Variants in SERPINB7 observed in about 807,000 individuals in gnomAD.
SERPINB7 encodes the protein serpin family B member 7, also known as serpin B7.
Under a neutral mutation model 37.4 loss-of-function variants are expected in SERPINB7, and 31 were observed. That is an observed-to-expected ratio of 0.83 (90% CI 0.62 to 1.12). The LOEUF is 1.12. Among genes scored for constraint, SERPINB7 ranks in the 50% most tolerant of loss-of-function variants. SERPINB7 has a pLI of 0.00. For missense variants in SERPINB7, 521 were observed against 455.3 expected (o/e 1.14, Z -1.31); for synonymous variants, 163 against 166.1 (o/e 0.98, Z 0.14).
intron 4 of SERPINB7, among the ~76,000 whole-genome samples, chr18:63,794,805 T>G (rs564519708): frequency 6.6e-6 from 1 of 152,318 alleles, no homozygotes; most frequent in East Asian, 1.9e-4. Flanking sequence ...TGAAAAGAGC[T>G]GTATCCAAGG....
chr18:63,768,916 A>G (rs1174438952), intron 1 of SERPINB7, among the ~76,000 whole-genome samples: 1 of 152,148 alleles, frequency 6.6e-6, no homozygotes, highest in Non-Finnish European at 1.5e-5. Flanking sequence ...GAATGTATCA[A>G]TAATTTGCTC....
In SERPINB7 at chr18:63,801,730, G is replaced by T. The variant is rs185285911; in HGVS notation, c.744+718G>T. ...GGACTCTGTGGGGGCCAGAGGACCG[G>T]TTTAGTCATGAGTCATGAGTCCAAG... On this transcript the variant is annotated intron_variant, in intron 7 of 7. Coordinates refer to ENST00000398019, the MANE Select transcript of SERPINB7 (RefSeq NM_003784.4). Among the ~76,000 whole-genome samples, 41 of 152,182 alleles carry T rather than the reference G, an allele frequency of 2.7e-4. No homozygotes were observed. In the East Asian group the frequency reaches 6.2e-3, roughly 23 times the overall value.
intron 3 of SERPINB7, 145 bp from the exon 4 acceptor site, chr18:63,793,016 A>T (rs953237705): frequency 2.6e-5 from 11 of 428,616 alleles, no homozygotes; most frequent in Admixed American, 2.4e-4. Flanking sequence ...TAAGACATAG[A>T]TGTATGTGGC....
At chr18:63,798,549 C>T in intron 5 of SERPINB7, 55 bp from the exon 6 acceptor site, 1 of 1,377,304 alleles carries the variant, frequency 7.3e-7, no homozygotes, top group Non-Finnish European at 9.8e-7. Flanking sequence ...CTTTTTAAAT[C>T]ATTTTTAAAA....
intron 2 of SERPINB7, among the ~76,000 whole-genome samples, chr18:63,785,241 C>A (rs1003363220): frequency 6.6e-6 from 1 of 152,194 alleles, no homozygotes; most frequent in Non-Finnish European, 1.5e-5. Flanking sequence ...TTACTACACT[C>A]GACCCTTGTC....
At chr18:63,796,070 C>G (rs1340906739) in intron 4 of SERPINB7, among the ~76,000 whole-genome samples, 196 bp from the exon 5 acceptor site, 1 of 152,152 alleles carries the variant, frequency 6.6e-6, no homozygotes, top group Non-Finnish European at 1.5e-5. Context: ...AGAGTATTTG[C>G]TGAACAAATT....
rs946615159 is a variant in SERPINB7 at position 63,798,818 on chromosome 18, A to G, written c.597+72A>G. 25 of 1,458,576 alleles carry G rather than the reference A, an allele frequency of 1.7e-5. No homozygotes were observed. In the African/African-American group the frequency reaches 3.3e-4, roughly 19 times the overall value. 90.4% of individuals were successfully genotyped at this position (1,458,576 alleles called of 1,614,324 possible). On this transcript the variant is annotated intron_variant, in intron 6 of 7. Transcript: ENST00000398019. ...ATTCCTTTGCAGGACTGTGATAGTTACATAGTAAACTCTAGGTTCACCGTT... is the reference window on the plus strand; with the variant it reads ...ATTCCTTTGCAGGACTGTGATAGTTGCATAGTAAACTCTAGGTTCACCGTT...
chr18:63,785,953 T>G (rs2939518), intron 2 of SERPINB7, among the ~76,000 whole-genome samples: 39,091 of 82,920 alleles, frequency 0.47, 10,606 homozygotes, highest in African/African-American at 0.6. Context: ...TATAATATAC[T>G]TATATATACA....
Position 63,800,996 on chromosome 18 carries a change from A to T in SERPINB7, c.728A>T (p.Glu243Val). The T allele has an allele frequency of 6.2e-7, 1 of 1,613,638 alleles. No homozygotes were observed. The highest frequency in any genetic ancestry group is 8.5e-7 in the Non-Finnish European group (1 of 1,179,766). The change falls in exon 7 of 8, where the codon GAG (glutamate) becomes GTG (valine). Residue 243 changes from glutamate to valine, a missense_variant. Glu to Val is a moderately radical substitution (Grantham distance 121). Transcript: ENST00000398019. Reference protein sequence around the residue: ...GGINMYVLLPENDLSEIENKL... With the variant: ...GGINMYVLLPVNDLSEIENKL... The stretch of plus-strand genomic sequence containing the variant: ...ATAAACATGTACGTTCTGCTGCCTG[A>T]GAATGACCTCTCTGAAGTAAGTTAC...
intron 1 of SERPINB7, among the ~76,000 whole-genome samples, chr18:63,770,302 A>AAAC (rs551591800): frequency 7.3e-5 from 11 of 151,628 alleles, no homozygotes; most frequent in East Asian, 1.9e-4. Context: ...ATGTAAAGGA[A>AAAC]AACAACAACA....
chr18:63,801,319 A>G (rs138261341), intron 7 of SERPINB7, among the ~76,000 whole-genome samples: 39 of 152,270 alleles, frequency 2.6e-4, no homozygotes, highest in Admixed American at 5.2e-4. Flanking sequence ...TTGGCCATGA[A>G]TACAGTCTTC....
intron 1 of SERPINB7, among the ~76,000 whole-genome samples, chr18:63,759,801 G>T (rs549312964): frequency 6.6e-6 from 1 of 152,260 alleles, no homozygotes; most frequent in Non-Finnish European, 1.5e-5. Flanking sequence ...TTCCGCTCTT[G>T]CTTCTTCCTC....
intron 1 of SERPINB7, among the ~76,000 whole-genome samples, chr18:63,755,353 A>C (rs1568197535): frequency 6.6e-6 from 1 of 151,798 alleles, no homozygotes; most frequent in Non-Finnish European, 1.5e-5. Flanking sequence ...GTTTTTCTTT[A>C]TGAGAAGTCA....
chr18:63,798,604 G>A lies in SERPINB7; in HGVS notation c.455G>A (p.Gly152Asp). ...TTTCCCTCAATTTTTTTTTCAAAAG[G>A]CAAAATCAAGAACGTGATTGGTGAA... ...INKWVENETHGKIKNVIGEGG... is the reference protein window; with the variant it reads ...INKWVENETHDKIKNVIGEGG... Residue 152 changes from glycine to aspartate, a missense_variant and splice_region_variant, in exon 6 of 8, where the codon GGC becomes GAC. Coordinates refer to ENST00000398019, the MANE Select transcript of SERPINB7 (RefSeq NM_003784.4). The A allele has an allele frequency of 1.3e-6, 2 of 1,523,602 alleles. No individual in the cohort carries two copies. Among genetic ancestry groups the A allele is most frequent in the South Asian group, 1.3e-5 (1 of 74,624 alleles). 94.4% of individuals were successfully genotyped at this position (1,523,602 alleles called of 1,614,324 possible).
chr18:63,765,436 T>A (rs551964125), intron 1 of SERPINB7, among the ~76,000 whole-genome samples: 2 of 152,290 alleles, frequency 1.3e-5, no homozygotes, highest in South Asian at 4.1e-4. Flanking sequence ...TTGTTTCCAC[T>A]CTTGTCCATC....
intron 7 of SERPINB7, among the ~76,000 whole-genome samples, chr18:63,802,219 G>A (rs1315505359): frequency 6.6e-6 from 1 of 152,210 alleles, no homozygotes; most frequent in East Asian, 1.9e-4. Flanking sequence ...TGTGACTGAT[G>A]TGGCAGGAGA....
chr18:63,757,752 A>G (rs2049129943), intron 1 of SERPINB7, among the ~76,000 whole-genome samples: 1 of 152,246 alleles, frequency 6.6e-6, no homozygotes, highest in South Asian at 2.1e-4. Context: ...TTCCTAATGA[A>G]ACACATTCTG....
At chr18:63,803,685 G>A (rs2049573837) in intron 7 of SERPINB7, among the ~76,000 whole-genome samples, 1 of 152,178 alleles carries the variant, frequency 6.6e-6, no homozygotes, top group East Asian at 1.9e-4. Flanking sequence ...ACAAGAAATT[G>A]ATTTGAATTC....
At chr18:63,793,748 T>G (rs2658456) in intron 4 of SERPINB7, among the ~76,000 whole-genome samples, 93,081 of 151,970 alleles carry the variant, frequency 0.61, 29,881 homozygotes, top group African/African-American at 0.81. Context: ...TGATCTTCTT[T>G]CTTCAGCCTC....
Sources: allele counts gnomAD v4.1 joint callset (sites outside exome capture counted in the v4.1 genomes callset), GRCh38; gene constraint gnomAD v4.1.1; transcripts MANE v1.5; gene names NCBI Gene and HGNC (gene_info 2026-07-23, HGNC 2026-07-21).